Variants in ZNF286A observed in about 807,000 individuals in gnomAD.
ZNF286A encodes the protein zinc finger protein 286A.
ZNF286A carries 34 observed loss-of-function variants against 49.3 expected under a neutral mutation model. The ratio of observed to expected loss-of-function variants is 0.69; its 90% CI spans 0.52 to 0.92. The LOEUF (loss-of-function observed/expected upper bound fraction) is 0.92, where lower values mean the gene tolerates loss of function less well. Ranked by LOEUF, ZNF286A falls within the 40% of genes least tolerant of loss-of-function variation. The pLI is 0.00. For synonymous variants in ZNF286A, 155 were observed against 200.4 expected, an observed-to-expected ratio of 0.77 and a Z score of 1.91; for missense variants, 462 against 600.2, an observed-to-expected ratio of 0.77 and a Z score of 2.41.
In ZNF286A at chr17:15,716,365, C is replaced by A. The variant is rs1287958582; in HGVS notation, c.641C>A (p.Ser214Tyr). The A allele has an allele frequency of 6.2e-7, 1 of 1,613,676 alleles. No individual in the cohort carries two copies. The highest frequency in any genetic ancestry group is 8.5e-7 in the Non-Finnish European group (1 of 1,179,902). Residue 214 changes from serine (S) to tyrosine (Y), a missense_variant, in exon 6 of 6, where the codon TCT becomes TAT. Around this residue, in one of 3 missense-constraint regions of ZNF286A, gnomAD observed 259 missense variants for 272.2 expected, o/e 0.95. Transcript: ENST00000583566. ...ACTGAAGACAGAGTTCCCAAAGGAT[C>A]TTATGCCTTCCATACACTTGAAAAA... is the stretch of plus-strand genomic sequence containing the variant. Reference protein sequence around the residue: ...LITEDRVPKGSYAFHTLEKSL... With the variant: ...LITEDRVPKGYYAFHTLEKSL...
chr17:15,714,971 T>G (rs1227275717), intron 5 of ZNF286A, among the ~76,000 whole-genome samples: 8 of 152,044 alleles, frequency 5.3e-5, no homozygotes, highest in Non-Finnish European at 1.0e-4. Flanking sequence ...TCATATTATC[T>G]TTAATTCTTA....
At chr17:15,706,785 T>C (rs1033605834) in intron 4 of ZNF286A, among the ~76,000 whole-genome samples, 1 of 152,196 alleles carries the variant, frequency 6.6e-6, no homozygotes, top group African/African-American at 2.4e-5. Flanking sequence ...ATCAAGAATT[T>C]CCTTTATTCA....
At chr17:15,715,802 T>G (rs1031315883) in intron 5 of ZNF286A, among the ~76,000 whole-genome samples, 2 of 152,208 alleles carry the variant, frequency 1.3e-5, no homozygotes, top group Admixed American at 6.5e-5. Context: ...TATTGCTTCA[T>G]TGGCATCTCT....
intron 3 of ZNF286A, among the ~76,000 whole-genome samples, chr17:15,705,689 A>C (rs1386514869): frequency 6.6e-6 from 1 of 152,166 alleles, no homozygotes; most frequent in East Asian, 1.9e-4. Flanking sequence ...TATTTCAGTA[A>C]CCTTGAAATA....
At chr17:15,711,788 G>A (rs904969050) in intron 5 of ZNF286A, among the ~76,000 whole-genome samples, 21 of 151,422 alleles carry the variant, frequency 1.4e-4, no homozygotes, top group Admixed American at 3.9e-4. Flanking sequence ...TGCTCTAAAT[G>A]GTGGTTGTTG....
rs1439193759 is a variant in ZNF286A at position 15,718,136 on chromosome 17, C to A, written c.*846C>A. The A allele has an allele frequency of 6.6e-6, 1 of 150,778 alleles. No homozygotes were observed. The highest frequency in any genetic ancestry group is 1.5e-5 in the Non-Finnish European group (1 of 67,698). The allele number at this position is 150,778 out of a possible 1,614,324, so 9.3% of individuals were successfully genotyped here. A position where few individuals can be genotyped will look rare whatever the true frequency, so the allele number is the denominator to read the frequency against. ...ATTTTTAGTAGAGATGGGGTTTCAC[C>A]ATGTTAGCCAGGATGGTCTTGATCT... On this transcript the variant is annotated 3_prime_UTR_variant, in exon 6 of 6. Coordinates refer to ENST00000583566, the MANE Select transcript of ZNF286A (RefSeq NM_001130842.2).
At chr17:15,710,824 T>C (rs1990589363) in intron 5 of ZNF286A, among the ~76,000 whole-genome samples, 1 of 152,182 alleles carries the variant, frequency 6.6e-6, no homozygotes, top group African/African-American at 2.4e-5. Flanking sequence ...TAAGAGGTCC[T>C]TATATATGAG....
Position 15,716,955 on chromosome 17 carries a change from G to A in ZNF286A, c.1231G>A (p.Glu411Lys), listed in dbSNP as rs752278808. 8.1e-6 allele frequency: 13 copies of A among 1,611,150 alleles called. No homozygotes were observed. Among genetic ancestry groups the A allele is most frequent in the Middle Eastern group, 1.7e-4 (1 of 6,052 alleles). Residue 411 changes from glutamate (E) to lysine (K), a missense_variant, in exon 6 of 6, where the codon GAA becomes AAA. By Grantham distance (56) the Glu-to-Lys change is moderately conservative. Coordinates refer to ENST00000583566, the MANE Select transcript of ZNF286A (RefSeq NM_001130842.2). The stretch of plus-strand genomic sequence containing the variant: ...AGTTCATACTGGAGAAAAGCCATAT[G>A]AATGCAGTGAATGTGGAAAAACTTT... ...QRVHTGEKPY[E>K]CSECGKTFSQ... is the part of the protein sequence containing the mutation.
intron 3 of ZNF286A, chr17:15,704,457 G>A: frequency 6.2e-7 from 1 of 1,612,146 alleles, no homozygotes; most frequent in Non-Finnish European, 8.5e-7. Context: ...TGAGCAGACG[G>A]GCCCGAGCCG....
At chr17:15,701,725 TAGA>T (rs1362331023) in intron 3 of ZNF286A, among the ~76,000 whole-genome samples, 1 of 152,232 alleles carries the variant, frequency 6.6e-6, no homozygotes, top group Non-Finnish European at 1.5e-5. Flanking sequence ...GAGTTACAGT[TAGA>T]ATCCAGCCCT....
intron 4 of ZNF286A, among the ~76,000 whole-genome samples, chr17:15,707,432 T>A (rs201672255): frequency 1.4e-4 from 19 of 131,892 alleles, no homozygotes; most frequent in South Asian, 2.4e-4. Flanking sequence ...AGACTCTGTC[T>A]AAAAAAAAAA....
At chr17:15,703,453 T>C (rs1424587987) in intron 3 of ZNF286A, among the ~76,000 whole-genome samples, 3 of 151,928 alleles carry the variant, frequency 2.0e-5, no homozygotes, top group Non-Finnish European at 4.4e-5. Context: ...TTTGATTTGT[T>C]AGATTTTTAA....
intron 5 of ZNF286A, among the ~76,000 whole-genome samples, chr17:15,711,778 T>C (rs1381252590): frequency 6.6e-6 from 1 of 151,832 alleles, no homozygotes; most frequent in Non-Finnish European, 1.5e-5. Context: ...TGCCAATCCC[T>C]GCTCTAAATG....
intron 5 of ZNF286A, 96 bp downstream of exon 5, chr17:15,708,343 T>G: frequency 2.4e-6 from 2 of 825,442 alleles, no homozygotes; most frequent in South Asian, 8.4e-5. Flanking sequence ...TGTGCCCTTA[T>G]TTTTAAATTT....
rs188467722 is a variant in ZNF286A, at chr17:15,712,115, G to A, written c.334+3868G>A. On this transcript the variant is annotated intron_variant, in intron 5 of 5. Transcript: ENST00000583566. ...TCTCAGTCTCCTGACCTCATGATCCGCCCTCCTTGGCCTCCCAAAGTGCTG... is the reference window on the plus strand; with the variant it reads ...TCTCAGTCTCCTGACCTCATGATCCACCCTCCTTGGCCTCCCAAAGTGCTG... Among the ~76,000 whole-genome samples, 896 of 152,248 alleles carry A rather than the reference G, an allele frequency of 5.9e-3. 5 individuals carry two copies. The highest frequency in any genetic ancestry group is 0.02 in the African/African-American group (842 of 41,528).
intron 3 of ZNF286A, 84 bp from the exon 4 acceptor site, chr17:15,706,303 T>C: frequency 9.1e-7 from 1 of 1,098,014 alleles, no homozygotes. Flanking sequence ...CATCTCAGGC[T>C]TTTGCTCCAG....
rs911320174 is a variant in ZNF286A, at chr17:15,708,180, C to T, written c.267C>T (p.Ser89=). 2.5e-6 allele frequency: 4 copies of T among 1,594,704 alleles called. No homozygotes were observed. The highest frequency in any genetic ancestry group is 3.4e-6 in the Non-Finnish European group (4 of 1,171,418). Residue 89 remains serine (S), a synonymous_variant, in exon 5 of 6, where the codon AGC becomes AGT. Coordinates refer to ENST00000583566, the MANE Select transcript of ZNF286A (RefSeq NM_001130842.2). ...GGCTTCCAGTTTCCAAACCTGAGAG[C>T]TACAACTTGGAGAATGGAAAAGAAC... ...SLWLPVSKPE[S]YNLENGKEPL...
In ZNF286A at chr17:15,716,915, A is replaced by C. The variant is rs770941502; in HGVS notation, c.1191A>C (p.Leu397=). ...AAGCCTTTAGCCATTGCTCATCCCT[A>C]ACTAAGCATCAGAGAGTTCATACTG... ...CGKAFSHCSS[L]TKHQRVHTGE... The change falls in exon 6 of 6, where the codon CTA becomes CTC. Residue 397 remains leucine, a synonymous_variant. Transcript: ENST00000583566. 3.8e-5 allele frequency: 61 copies of C among 1,611,056 alleles called. No individual in the cohort carries two copies. The highest frequency in any genetic ancestry group is 4.7e-5 in the Non-Finnish European group (55 of 1,178,038).
rs1252557986 is a variant in ZNF286A, at chr17:15,719,060, G to A, written c.*1770G>A. ...TGCGTGGTCCAGTCACCTTGCACCA[G>A]GCCCCACCTCCCACATTGGGGATTA... On this transcript the variant is annotated 3_prime_UTR_variant, in exon 6 of 6. Coordinates refer to ENST00000583566, the MANE Select transcript of ZNF286A (RefSeq NM_001130842.2). 16 of 118,758 alleles carry A rather than the reference G, an allele frequency of 1.3e-4. No individual in the cohort carries two copies. Among genetic ancestry groups the A allele is most frequent in the Non-Finnish European group, 2.6e-4 (15 of 57,614 alleles). The allele number at this position is 118,758 out of a possible 1,614,324, so 7.4% of individuals were successfully genotyped here.
Sources: gnomAD v4.1 joint callset for allele counts (sites outside exome capture counted in the v4.1 genomes callset) on GRCh38, gnomAD v4.1.1 for gene constraint, gnomAD v4.1.1 regional missense constraint, MANE v1.5 for transcripts, NCBI Gene and HGNC (gene_info 2026-07-23, HGNC 2026-07-21) for gene names.